The following SV2C variants were observed in gnomAD, a reference collection of about 807,000 sequenced individuals.
SV2C encodes solute carrier family 22 member B3.
A neutral mutation model predicts 79.7 loss-of-function variants in SV2C; 49 were observed. That is an observed-to-expected ratio of 0.61 (90% CI 0.49 to 0.78). The LOEUF is 0.78. SV2C is among the 30% of genes least tolerant of loss of function. SV2C has a pLI of 0.00. For missense variants in SV2C, 833 were observed against 912.9 expected (o/e 0.91, Z 1.13); for synonymous variants, 334 against 333.2 (o/e 1.00, Z -0.03).
intron 2 of SV2C, among the ~76,000 whole-genome samples, chr5:76,166,049 C>T (rs1480361587): frequency 2.6e-5 from 4 of 152,158 alleles, no homozygotes; most frequent in Non-Finnish European, 5.9e-5. Context: ...GTTCCCTCCG[C>T]CTGTCCCTGG....
the SV2C span, among the ~76,000 whole-genome samples, chr5:75,886,387 C>A: frequency 6.6e-6 from 1 of 152,184 alleles, no homozygotes; most frequent in Non-Finnish European, 1.5e-5. Flanking sequence ...GCCTTCCCCT[C>A]TGAGCCACCA....
the SV2C span, among the ~76,000 whole-genome samples, chr5:76,063,972 C>G: frequency 4.1e-4 from 62 of 152,122 alleles, no homozygotes; most frequent in Middle Eastern, 3.4e-3. Flanking sequence ...TTTTGTCAAT[C>G]ACAACTTACA....
chr5:75,888,091 T>A, the SV2C span, among the ~76,000 whole-genome samples: 1 of 152,144 alleles, frequency 6.6e-6, no homozygotes, highest in Non-Finnish European at 1.5e-5. Context: ...AAATAGGATC[T>A]CATAATTTGT....
At chr5:75,855,886 A>G in the SV2C span, among the ~76,000 whole-genome samples, 1 of 152,162 alleles carries the variant, frequency 6.6e-6, no homozygotes, top group African/African-American at 2.4e-5. Flanking sequence ...ATTAAAGAGT[A>G]GGTCTTATTC....
rs886877194 is a variant in SV2C at position 76,131,616 on chromosome 5, A to G, written c.-101-34A>G. On this transcript the variant is annotated intron_variant, in intron 1 of 12. Transcript: ENST00000502798. ...GTAAAAAATATATATATAGAAAGGA[A>G]TAATAAGTATCTCCTCTATTTCTTC... 6 of 574,548 alleles carry G rather than the reference A, an allele frequency of 1.0e-5. No individual in the cohort carries two copies. The African/African-American group carries it at 1.1e-4, about 11-fold the overall frequency. 35.6% of individuals were successfully genotyped at this position (574,548 alleles called of 1,614,324 possible).
At chr5:76,008,548 C>A in the SV2C span, among the ~76,000 whole-genome samples, 14 of 152,226 alleles carry the variant, frequency 9.2e-5, no homozygotes, top group East Asian at 2.7e-3. Flanking sequence ...ATTCCATCTC[C>A]ATACTACAGG....
rs1280161287 is a variant in SV2C, at chr5:76,329,698, G to C, written c.*4151G>C. The C allele has an allele frequency of 6.6e-6, 1 of 151,884 alleles. No homozygotes were observed. Among genetic ancestry groups the C allele is most frequent in the Non-Finnish European group, 1.5e-5 (1 of 67,952 alleles). 9.4% of individuals were successfully genotyped at this position (151,884 alleles called of 1,614,324 possible). On this transcript the variant is annotated 3_prime_UTR_variant, in exon 13 of 13. Transcript: ENST00000502798. ...TTCCCTCTGCCAATCAAAATAGATA[G>C]AATATGATATTCTCCAATTTTTTTT...
At chr5:75,969,220 C>G in the SV2C span, among the ~76,000 whole-genome samples, 56 of 152,188 alleles carry the variant, frequency 3.7e-4, no homozygotes, top group African/African-American at 1.4e-3. Context: ...ACTGCAAAAA[C>G]ATGCCAAATT....
chr5:76,019,396 C>T, the SV2C span, among the ~76,000 whole-genome samples: 4 of 152,072 alleles, frequency 2.6e-5, no homozygotes, highest in East Asian at 3.9e-4. Context: ...TGCTCACCCT[C>T]CTTTTGAGAA....
At chr5:76,085,424 C>G (rs1222611541) in intron 1 of SV2C, among the ~76,000 whole-genome samples, 1 of 151,992 alleles carries the variant, frequency 6.6e-6, no homozygotes, top group African/African-American at 2.4e-5. Context: ...CCATTTTATT[C>G]TTTTTTTTAA....
the SV2C span, among the ~76,000 whole-genome samples, chr5:76,032,088 T>A: frequency 1.6e-3 from 249 of 152,334 alleles, 1 homozygote; most frequent in African/African-American, 5.7e-3. Flanking sequence ...TCCTTTTGAA[T>A]GAGATGGAGT....
chr5:75,969,962 T>C, the SV2C span, among the ~76,000 whole-genome samples: 147 of 152,172 alleles, frequency 9.7e-4, 1 homozygote, highest in South Asian at 3.1e-3. Context: ...ACAGAAATTA[T>C]AACAAACTGT....
the SV2C span, among the ~76,000 whole-genome samples, chr5:76,064,682 T>C: frequency 1.3e-5 from 2 of 152,080 alleles, no homozygotes; most frequent in Non-Finnish European, 2.9e-5. Context: ...CTTCTCCGGA[T>C]CCCTTGTAGC....
At chr5:76,348,753 C>T (rs1434537584) in intron 12 of SV2C, among the ~76,000 whole-genome samples, 1 of 152,226 alleles carries the variant, frequency 6.6e-6, no homozygotes, top group Non-Finnish European at 1.5e-5. Flanking sequence ...GTAATCCCAG[C>T]ACTTTGGGAG....
the SV2C span, among the ~76,000 whole-genome samples, chr5:75,857,904 A>G: frequency 6.6e-6 from 1 of 151,942 alleles, no homozygotes; most frequent in Non-Finnish European, 1.5e-5. Context: ...TCTTTTCCTA[A>G]TTGTTCACTG....
Position 76,242,181 on chromosome 5 carries a change from G to A in SV2C, c.913+32294G>A, listed in dbSNP as rs574705202. ...CTTTGCAGGGGCCTTTTAGGCGTGG[G>A]CTCTGGCTTTGGAGGAGCAGGTTTA... On this transcript the variant is annotated intron_variant, in intron 4 of 12. Coordinates refer to ENST00000502798, the MANE Select transcript of SV2C (RefSeq NM_014979.4). 3.7e-6 allele frequency: 4 copies of A among 1,070,170 alleles called. No homozygotes were observed. In the African/African-American group the frequency reaches 6.1e-5, roughly 16 times the overall value. The allele number at this position is 1,070,170 out of a possible 1,614,324, so 66.3% of individuals were successfully genotyped here.
chr5:76,231,021 A>T (rs1745402478), intron 4 of SV2C, among the ~76,000 whole-genome samples: 1 of 152,238 alleles, frequency 6.6e-6, no homozygotes, highest in African/African-American at 2.4e-5. Context: ...AGAATGGATT[A>T]GGAACTCTCT....
At chr5:76,140,600 T>C (rs1395150236) in intron 2 of SV2C, among the ~76,000 whole-genome samples, 1 of 152,166 alleles carries the variant, frequency 6.6e-6, no homozygotes, top group African/African-American at 2.4e-5. Flanking sequence ...ACCAATCTTT[T>C]TAGAGTGTGT....
the SV2C span, among the ~76,000 whole-genome samples, chr5:75,850,834 G>A: frequency 6.6e-6 from 1 of 152,088 alleles, no homozygotes; most frequent in Non-Finnish European, 1.5e-5. Flanking sequence ...TGCTGCAGAG[G>A]GCTTTGTACT....
Sources: allele counts gnomAD v4.1 joint callset (sites outside exome capture counted in the v4.1 genomes callset), GRCh38; gene constraint gnomAD v4.1.1; transcripts MANE v1.5; gene names NCBI Gene and HGNC (gene_info 2026-07-23, HGNC 2026-07-21).